Variants in TLDC2 observed in about 807,000 individuals in gnomAD.
The protein encoded by TLDC2 is TBC/LysM-associated domain containing 2.
Under a neutral mutation model 27.9 loss-of-function variants are expected in TLDC2, and 23 were observed. That is an observed-to-expected ratio of 0.82 (90% CI 0.59 to 1.17). TLDC2 has a LOEUF of 1.17. Ranked by LOEUF, TLDC2 falls within the 50% of genes most tolerant of loss-of-function variation. TLDC2 has a pLI of 0.00. For missense variants in TLDC2, 286 were observed against 273.4 expected (o/e 1.05, Z -0.32); for synonymous variants, 124 against 107.4 (o/e 1.16, Z -0.96).
At chr20:36,887,287 C>CT (rs1361521057) in intron 4 of TLDC2, among the ~76,000 whole-genome samples, 168 bp from the exon 5 acceptor site, 1 of 151,950 alleles carries the variant, frequency 6.6e-6, no homozygotes, top group African/African-American at 2.4e-5. Flanking sequence ...TCCAAGGAGA[C>CT]TGAGAAGATA....
intron 1 of TLDC2, among the ~76,000 whole-genome samples, chr20:36,876,949 C>G (rs1423028927): frequency 6.6e-6 from 1 of 152,198 alleles, no homozygotes; most frequent in Non-Finnish European, 1.5e-5. Context: ...CTATTCCAAG[C>G]CAACACACAA....
At chr20:36,884,422 T>C (rs1040679937) in intron 4 of TLDC2, among the ~76,000 whole-genome samples, 3 of 152,116 alleles carry the variant, frequency 2.0e-5, no homozygotes, top group Admixed American at 1.3e-4. Flanking sequence ...TGTTCTGATG[T>C]CACCATCTCA....
chr20:36,879,568 C>T (rs1178810377), intron 3 of TLDC2, among the ~76,000 whole-genome samples: 2 of 152,032 alleles, frequency 1.3e-5, no homozygotes, highest in South Asian at 2.1e-4. Flanking sequence ...GTGCTGGGCA[C>T]GGTGGCTCAC....
In TLDC2 at chr20:36,889,222, C is replaced by G. The variant is rs1337893015; in HGVS notation, c.513-29C>G. On this transcript the variant is annotated intron_variant, in intron 5 of 6. Coordinates refer to ENST00000217320, the MANE Select transcript of TLDC2 (RefSeq NM_080628.3). ...GGGGGTTTCAGCACACAGGAGTGAG[C>G]CGCACCAAGACTGTCCTCTTCTCTC... 5 of 1,610,266 alleles carry G rather than the reference C, an allele frequency of 3.1e-6. No individual in the cohort carries two copies. The South Asian group carries it at 4.4e-5, about 14-fold the overall frequency.
chr20:36,877,380 CAAA>C (rs372293425), intron 1 of TLDC2, among the ~76,000 whole-genome samples: 7 of 94,632 alleles, frequency 7.4e-5, no homozygotes, highest in Non-Finnish European at 1.3e-4. Flanking sequence ...GACCCTGTCT[CAAA>C]AAAAAAAAAA....
chr20:36,883,513 A>G (rs1307586647), intron 4 of TLDC2, among the ~76,000 whole-genome samples: 2 of 152,000 alleles, frequency 1.3e-5, no homozygotes, highest in Non-Finnish European at 1.5e-5. Flanking sequence ...TCCTCCTGCT[A>G]TCTTCCCCCA....
intron 2 of TLDC2, 132 bp downstream of exon 2, chr20:36,878,186 C>A: frequency 1.0e-6 from 1 of 981,856 alleles, no homozygotes; most frequent in Non-Finnish European, 1.4e-6. Flanking sequence ...TTACCTCCGG[C>A]AAATTGCTTC....
intron 1 of TLDC2, among the ~76,000 whole-genome samples, 155 bp from the exon 2 acceptor site, chr20:36,877,744 C>G (rs1280133027): frequency 1.3e-5 from 2 of 152,156 alleles, no homozygotes; most frequent in Non-Finnish European, 2.9e-5. Flanking sequence ...TCCTGTCTGT[C>G]GTGGAAACCC....
intron 4 of TLDC2, among the ~76,000 whole-genome samples, chr20:36,881,119 T>C (rs758375782): frequency 1.3e-5 from 2 of 152,168 alleles, no homozygotes; most frequent in African/African-American, 2.4e-5. Flanking sequence ...CCGTGGCTCA[T>C]GCCTGTAATC....
At chr20:36,892,163 A>G (rs1398481028) in intron 6 of TLDC2, 1 of 152,370 alleles carries the variant, frequency 6.6e-6, no homozygotes. Flanking sequence ...TGTTCCACTC[A>G]CGAAGAGGCC....
intron 4 of TLDC2, 111 bp from the exon 5 acceptor site, chr20:36,887,344 G>C: frequency 1.0e-6 from 1 of 952,894 alleles, no homozygotes; most frequent in South Asian, 1.4e-5. Flanking sequence ...GCTCGGTTGG[G>C]GCCTGGATGC....
chr20:36,877,780 G>T (rs927713665), intron 1 of TLDC2, 119 bp from the exon 2 acceptor site: 22 of 1,207,906 alleles, frequency 1.8e-5, no homozygotes, highest in Non-Finnish European at 2.4e-5. Context: ...TGGGCTGGGG[G>T]TTACAGGCAC....
chr20:36,881,316 G>A (rs556881051), intron 4 of TLDC2, among the ~76,000 whole-genome samples: 8 of 152,078 alleles, frequency 5.3e-5, no homozygotes, highest in Admixed American at 5.2e-4. Context: ...GGAGGTTGAG[G>A]CTGTGGTGAG....
chr20:36,882,377 C>T (rs1370953799), intron 4 of TLDC2, among the ~76,000 whole-genome samples: 2 of 151,250 alleles, frequency 1.3e-5, no homozygotes, highest in Admixed American at 1.3e-4. Context: ...TGCCATTTTC[C>T]ACAAAAAGGA....
intron 1 of TLDC2, among the ~76,000 whole-genome samples, chr20:36,876,662 A>C (rs1321162790): frequency 2.0e-5 from 3 of 151,982 alleles, no homozygotes; most frequent in Non-Finnish European, 4.4e-5. Context: ...TACACATGCA[A>C]ACACACACAC....
chr20:36,883,455 C>T (rs6029895), intron 4 of TLDC2, among the ~76,000 whole-genome samples: 23 of 152,256 alleles, frequency 1.5e-4, no homozygotes, highest in African/African-American at 5.3e-4. Flanking sequence ...GCATTTCCAG[C>T]TTACCATGTC....
At chr20:36,879,007 G>A (rs1020175507) in intron 2 of TLDC2, 34 bp from the exon 3 acceptor site, 1 of 1,613,940 alleles carries the variant, frequency 6.2e-7, no homozygotes, top group Non-Finnish European at 8.5e-7. Flanking sequence ...GGCGCGAGGA[G>A]AACTCCTCCA....
chr20:36,880,721 T>C lies in TLDC2; in HGVS notation c.409T>C (p.Phe137Leu), dbSNP rs1989795474. 6.2e-7 allele frequency: 1 copy of C among 1,614,152 alleles called. No homozygotes were observed. Among genetic ancestry groups the C allele is most frequent in the African/African-American group, 1.3e-5 (1 of 75,044 alleles). The change falls in exon 4 of 7, where the codon TTC becomes CTC. Residue 137 changes from phenylalanine to leucine, a missense_variant. Transcript: ENST00000217320. ...SKGFYGTGET[F>L]LFSFSPQLKV... is the part of the protein sequence containing the mutation. ...AGGCTTCTATGGTACTGGCGAGACA[T>C]TCCTCTTCTCCTTCTCCCCACAGCT...
intron 6 of TLDC2, 73 bp downstream of exon 6, chr20:36,889,476 T>C: frequency 6.6e-7 from 1 of 1,512,464 alleles, no homozygotes; most frequent in Non-Finnish European, 8.9e-7. Flanking sequence ...GAAACACAGA[T>C]GGTGAAGGGC....
Sources: allele counts gnomAD v4.1 joint callset (sites outside exome capture counted in the v4.1 genomes callset), GRCh38; gene constraint gnomAD v4.1.1; transcripts MANE v1.5; gene names NCBI Gene and HGNC (gene_info 2026-07-23, HGNC 2026-07-21).